PLCB1: variants seen among roughly 807,000 people sequenced by gnomAD.
The protein encoded by PLCB1 is 1-phosphatidylinositol 4,5-bisphosphate phosphodiesterase beta-1.
A neutral mutation model predicts 161.8 loss-of-function variants in PLCB1; 46 were observed. The observed-to-expected ratio is 0.28, with a 90% CI of 0.22 to 0.36. The LOEUF is 0.36. PLCB1 is among the 10% of genes least tolerant of loss of function. The pLI, the probability that PLCB1 is intolerant of heterozygous loss-of-function variation, is 1.00. For synonymous variants in PLCB1, 517 were observed against 503.7 expected (o/e 1.03, Z -0.35); for missense variants, 1,016 against 1,472.5 (o/e 0.69, Z 5.07).
rs1213875692 is a variant in PLCB1 at position 8,296,455 on chromosome 20, G to A, written c.178-74927G>A. 2.6e-5 allele frequency among the ~76,000 whole-genome samples: 4 copies of A among 152,140 alleles called. No individual in the cohort carries two copies. The South Asian group carries it at 6.2e-4, about 24-fold the overall frequency. ...GTATATGCCCTCCAAGAACCCGAGA[G>A]CTCTCTACATTTTGTCTAGCTGAGG... On this transcript the variant is annotated intron_variant, in intron 2 of 31. Transcript: ENST00000338037.
intron 9 of PLCB1, 78 bp downstream of exon 9, chr20:8,658,782 C>A: frequency 1.6e-6 from 2 of 1,223,792 alleles, no homozygotes; most frequent in Non-Finnish European, 2.3e-6. Flanking sequence ...TTAGGAACAC[C>A]AGTGATCGTT....
intron 3 of PLCB1, among the ~76,000 whole-genome samples, chr20:8,377,273 TAGTG>T (rs1441814987): frequency 6.6e-6 from 1 of 152,008 alleles, no homozygotes; most frequent in Non-Finnish European, 1.5e-5. Flanking sequence ...GACATGAACT[TAGTG>T]AGGGAGAGCA....
intron 2 of PLCB1, among the ~76,000 whole-genome samples, chr20:8,202,886 G>T (rs141618545): frequency 1.3e-5 from 2 of 152,134 alleles, no homozygotes; most frequent in African/African-American, 4.8e-5. Context: ...GGAAGAACAC[G>T]CAGAGAAAGT....
At chr20:8,370,159 C>A (rs1458737671) in intron 2 of PLCB1, among the ~76,000 whole-genome samples, 1 of 152,194 alleles carries the variant, frequency 6.6e-6, no homozygotes, top group Non-Finnish European at 1.5e-5. Context: ...GTTAGGACAT[C>A]TGGAGTCACT....
intron 31 of PLCB1, among the ~76,000 whole-genome samples, chr20:8,795,316 A>G (rs1327022621): frequency 6.6e-6 from 1 of 152,214 alleles, no homozygotes; most frequent in African/African-American, 2.4e-5. Context: ...CCCTCGAAGC[A>G]ACTTGTACAA....
chr20:8,704,075 C>T (rs1978524407), intron 11 of PLCB1, among the ~76,000 whole-genome samples: 1 of 152,128 alleles, frequency 6.6e-6, no homozygotes, highest in South Asian at 2.1e-4. Flanking sequence ...CAAAGATGGC[C>T]AGGCGCAGTG....
intron 2 of PLCB1, among the ~76,000 whole-genome samples, chr20:8,261,453 A>G (rs1378382149): frequency 1.3e-5 from 2 of 152,194 alleles, no homozygotes; most frequent in African/African-American, 4.8e-5. Flanking sequence ...TTAGGGAAAC[A>G]TACCTTAAGG....
chr20:8,336,919 A>G (rs542935160), intron 2 of PLCB1, among the ~76,000 whole-genome samples: 1 of 152,062 alleles, frequency 6.6e-6, no homozygotes, highest in African/African-American at 2.4e-5. Flanking sequence ...TCCTTTTTTA[A>G]TGTTCAAAAC....
chr20:8,263,940 T>A (rs1981830872), intron 2 of PLCB1, among the ~76,000 whole-genome samples: 1 of 152,132 alleles, frequency 6.6e-6, no homozygotes. Flanking sequence ...CTAAAATAAA[T>A]TTATTTTAAT....
chr20:8,356,029 T>C (rs915127661), intron 2 of PLCB1, among the ~76,000 whole-genome samples: 4 of 152,300 alleles, frequency 2.6e-5, no homozygotes, highest in East Asian at 1.9e-4. Context: ...TGAGACTCCA[T>C]AGTGTCCAGA....
At chr20:8,647,262 AG>A (rs1162554291) in intron 5 of PLCB1, among the ~76,000 whole-genome samples, 1 of 152,210 alleles carries the variant, frequency 6.6e-6, no homozygotes, top group Non-Finnish European at 1.5e-5. Context: ...TGTTAGTGAA[AG>A]GGGACACAGA....
intron 2 of PLCB1, among the ~76,000 whole-genome samples, chr20:8,362,792 A>G (rs568163470): frequency 2.1e-4 from 32 of 152,210 alleles, no homozygotes; most frequent in Non-Finnish European, 3.5e-4. Flanking sequence ...ATTTTTTCAT[A>G]TACGTGAAAA....
intron 31 of PLCB1, among the ~76,000 whole-genome samples, chr20:8,858,936 G>C (rs913183773): frequency 7.6e-6 from 1 of 132,336 alleles, no homozygotes; most frequent in Non-Finnish European, 1.6e-5. Context: ...AAAAAAATTA[G>C]AGTAGTGGAA....
At position 8,326,089 on chromosome 20, in the gene PLCB1, A is replaced by G. The variant is rs554280309; in HGVS notation, c.178-45293A>G. 3.5e-4 allele frequency among the ~76,000 whole-genome samples: 53 copies of G among 152,218 alleles called. 1 individual carries two copies. Among genetic ancestry groups the G allele is most frequent in the Admixed American group, 3.9e-4 (6 of 15,286 alleles). On this transcript the variant is annotated intron_variant, in intron 2 of 31. Coordinates refer to ENST00000338037, the MANE Select transcript of PLCB1 (RefSeq NM_015192.4). ...GAGATTTACCCTTCGAGGTTGTTTA[A>G]GTAAATATTTTGCTCTCTGTTAAGT...
At chr20:8,591,545 C>G (rs1297345150) in intron 3 of PLCB1, among the ~76,000 whole-genome samples, 1 of 152,100 alleles carries the variant, frequency 6.6e-6, no homozygotes, top group African/African-American at 2.4e-5. Flanking sequence ...AGTATAAATT[C>G]AGTGCTTGCC....
intron 2 of PLCB1, among the ~76,000 whole-genome samples, chr20:8,309,236 G>A (rs1039567124): frequency 1.3e-5 from 2 of 152,094 alleles, no homozygotes; most frequent in African/African-American, 4.8e-5. Context: ...GAACAAGGGG[G>A]TATGCTTTTC....
intron 4 of PLCB1, among the ~76,000 whole-genome samples, chr20:8,643,709 G>A (rs550072414): frequency 6.7e-6 from 1 of 148,806 alleles, no homozygotes; most frequent in African/African-American, 2.5e-5. Flanking sequence ...CTAACATGGT[G>A]AAACCCCGTC....
rs1978566433 is a variant in PLCB1, at chr20:8,206,972, A to G, written c.177+56601A>G. Reference sequence around the variant, plus strand: ...AATATTGAGATGTAAAATTAGGGAAAAATACAAGGAGAATAAAAATTGTGC... The same window carrying G: ...AATATTGAGATGTAAAATTAGGGAAGAATACAAGGAGAATAAAAATTGTGC... On this transcript the variant is annotated intron_variant, in intron 2 of 31. Transcript: ENST00000338037. Among the ~76,000 whole-genome samples, 8 of 143,918 alleles carry G rather than the reference A, an allele frequency of 5.6e-5. 3 individuals carry two copies. The South Asian group carries it at 1.8e-3, about 33-fold the overall frequency. 94.4% of individuals were successfully genotyped at this position (143,918 alleles called of 152,430 possible).
intron 3 of PLCB1, among the ~76,000 whole-genome samples, chr20:8,615,247 AT>A (rs2123182535): frequency 6.6e-6 from 1 of 152,262 alleles, no homozygotes; most frequent in South Asian, 2.1e-4. Flanking sequence ...GTTGCCTTGA[AT>A]GTACTAAAAT....
Sources: allele counts gnomAD v4.1 joint callset (sites outside exome capture counted in the v4.1 genomes callset), GRCh38; gene constraint gnomAD v4.1.1; transcripts MANE v1.5; gene names NCBI Gene and HGNC (gene_info 2026-07-23, HGNC 2026-07-21).